The following ATP5MC2 variants were observed in gnomAD, a reference collection of about 807,000 sequenced individuals.
The protein encoded by ATP5MC2 is ATP synthase membrane subunit c locus 2, also known as ATP synthase F(0) complex subunit C2, mitochondrial.
Under a neutral mutation model 13.5 loss-of-function variants are expected in ATP5MC2, and 11 were observed. That is an observed-to-expected ratio of 0.81 (90% CI 0.51 to 1.35). The LOEUF is 1.35. ATP5MC2 is among the 40% of genes most tolerant of loss of function. ATP5MC2 has a pLI of 0.00. For synonymous variants in ATP5MC2, 64 were observed against 69.7 expected, an observed-to-expected ratio of 0.92 and a Z score of 0.41; for missense variants, 132 against 175.0, an observed-to-expected ratio of 0.75 and a Z score of 1.39.
At chr12:53,672,460 GATCT>G in intron 2 of ATP5MC2, 112 bp downstream of exon 2, 1 of 1,120,928 alleles carries the variant, frequency 8.9e-7, no homozygotes, top group East Asian at 2.6e-5. Context: ...GGCCTCAAGT[GATCT>G]GCCCGCCTGG....
upstream of ATP5MC2, chr12:53,676,181 C>T (rs752199118): frequency 3.7e-6 from 6 of 1,613,430 alleles, no homozygotes; most frequent in Non-Finnish European, 5.1e-6. Flanking sequence ...CATACAGGAT[C>T]AGCTCAGGCA....
chr12:53,669,728 C>A, intron 3 of ATP5MC2, 143 bp downstream of exon 3: 1 of 875,098 alleles, frequency 1.1e-6, no homozygotes, highest in Non-Finnish European at 1.8e-6. Context: ...TGTCCTCCAT[C>A]TCCACCTAAA....
chr12:53,680,779 A>C (rs889159136), upstream of ATP5MC2, among the ~76,000 whole-genome samples: 1 of 152,228 alleles, frequency 6.6e-6, no homozygotes, highest in Non-Finnish European at 1.5e-5. Context: ...AGCATCTCCT[A>C]TGTGCTAGGC....
Position 53,672,631 on chromosome 12 carries a change from G to A in ATP5MC2, c.-17C>T. ...GGCGAACATTTTCAGGGGGTGAGGA[G>A]CTGTGGCAGGAGAGCTGGAATTACA... On this transcript the variant is annotated 5_prime_UTR_variant, in exon 2 of 5. Coordinates refer to ENST00000394349, the MANE Select transcript of ATP5MC2 (RefSeq NM_005176.7). 1 of 1,579,156 alleles carries A rather than the reference G, an allele frequency of 6.3e-7. No homozygotes were observed. Among genetic ancestry groups the A allele is most frequent in the East Asian group, 2.3e-5 (1 of 43,988 alleles).
chr12:53,667,130 G>T (rs1350586257), intron 4 of ATP5MC2, among the ~76,000 whole-genome samples: 2 of 152,188 alleles, frequency 1.3e-5, no homozygotes, highest in African/African-American at 2.4e-5. Context: ...GAATAAAGCA[G>T]CAGTCAGACT....
chr12:53,667,417 C>A (rs946611441), intron 4 of ATP5MC2, among the ~76,000 whole-genome samples: 2 of 152,160 alleles, frequency 1.3e-5, no homozygotes, highest in African/African-American at 4.8e-5. Context: ...TAAAGGGCCA[C>A]ATTGTAAATA....
rs1160974558 is a variant in ATP5MC2 at position 53,669,967 on chromosome 12, A to G, written c.40-19T>C. On this transcript the variant is annotated intron_variant, in intron 2 of 4. Transcript: ENST00000394349. ...TCTTGACCTAGCAGGAATGACATACAGGGGCAGGAAGGTCAAGGAAGACTG... is the reference window on the plus strand; with the variant it reads ...TCTTGACCTAGCAGGAATGACATACGGGGGCAGGAAGGTCAAGGAAGACTG... The G allele has an allele frequency of 6.2e-7, 1 of 1,612,366 alleles. No individual in the cohort carries two copies. The highest frequency in any genetic ancestry group is 1.3e-5 in the African/African-American group (1 of 74,904).
chr12:53,674,340 T>C (rs558714660), intron 1 of ATP5MC2, among the ~76,000 whole-genome samples: 8 of 152,354 alleles, frequency 5.3e-5, no homozygotes, highest in African/African-American at 1.7e-4. Flanking sequence ...AAACCCTGTC[T>C]ATAAACAAAC....
chr12:53,669,963 A>T lies in ATP5MC2; in HGVS notation c.40-15T>A. On this transcript the variant is annotated splice_polypyrimidine_tract_variant and intron_variant, in intron 2 of 4. Coordinates refer to ENST00000394349, the MANE Select transcript of ATP5MC2 (RefSeq NM_005176.7). ...GTGCTCTTGACCTAGCAGGAATGAC[A>T]TACAGGGGCAGGAAGGTCAAGGAAG... The T allele has an allele frequency of 6.2e-7, 1 of 1,613,580 alleles. No individual in the cohort carries two copies. Among genetic ancestry groups the T allele is most frequent in the Non-Finnish European group, 8.5e-7 (1 of 1,179,568 alleles).
intron 1 of ATP5MC2, 148 bp from the exon 2 acceptor site, chr12:53,672,793 G>A (rs1945141090): frequency 1.0e-5 from 7 of 680,490 alleles, no homozygotes; most frequent in Non-Finnish European, 1.7e-5. Context: ...AAACCCTGAA[G>A]TCATGACTTC....
chr12:53,674,288 G>A (rs1236699231), intron 1 of ATP5MC2, among the ~76,000 whole-genome samples: 2 of 152,336 alleles, frequency 1.3e-5, no homozygotes, highest in Middle Eastern at 3.4e-3. Flanking sequence ...AGGCTTCAGT[G>A]AGCTATGATC....
chr12:53,667,970 T>TATATACACATACAC (rs1944975816), intron 4 of ATP5MC2, among the ~76,000 whole-genome samples: 2 of 49,638 alleles, frequency 4.0e-5, no homozygotes, highest in Admixed American at 2.1e-4. Flanking sequence ...TATATATATA[T>TATATACACATACAC]ATATATATAT....
intron 2 of ATP5MC2, among the ~76,000 whole-genome samples, chr12:53,671,973 A>T (rs1945106184): frequency 6.6e-6 from 1 of 151,240 alleles, no homozygotes; most frequent in Non-Finnish European, 1.5e-5. Context: ...AGGTGCCTGT[A>T]ACCCCAGCTA....
At chr12:53,672,528 G>C in intron 2 of ATP5MC2, 48 bp downstream of exon 2, 1 of 1,510,638 alleles carries the variant, frequency 6.6e-7, no homozygotes, top group Non-Finnish European at 9.0e-7. Context: ...GAAAGAGAGA[G>C]ACAAGATGTC....
upstream of ATP5MC2, among the ~76,000 whole-genome samples, chr12:53,679,312 T>C (rs1329761812): frequency 6.8e-6 from 1 of 147,680 alleles, no homozygotes; most frequent in Non-Finnish European, 1.5e-5. Context: ...AGAAAAAATA[T>C]TGCTAGAGAG....
At chr12:53,677,362 A>G (rs1304074445), upstream of ATP5MC2, 1 of 152,240 alleles carries the variant, frequency 6.6e-6, no homozygotes, top group Admixed American at 6.5e-5. Context: ...CCCACGGAGC[A>G]ATTTCCCGGG....
chr12:53,670,619 TCTTTC>T (rs1464801521), intron 2 of ATP5MC2, among the ~76,000 whole-genome samples: 1 of 151,590 alleles, frequency 6.6e-6, no homozygotes, highest in East Asian at 1.9e-4. Context: ...TTTCTTTCTT[TCTTTC>T]TTTTTTTTTT....
chr12:53,672,690 A>G, intron 1 of ATP5MC2, 45 bp from the exon 2 acceptor site: 1 of 1,530,028 alleles, frequency 6.5e-7, no homozygotes, highest in South Asian at 1.2e-5. Context: ...TATTCACTAA[A>G]CTATATCCTT....
intron 4 of ATP5MC2, among the ~76,000 whole-genome samples, chr12:53,666,882 A>AT (rs1427562667): frequency 6.7e-6 from 1 of 148,728 alleles, no homozygotes. Context: ...GGAGGCAGAG[A>AT]TTGCAGTGGG....
Sources: allele counts gnomAD v4.1 joint callset (sites outside exome capture counted in the v4.1 genomes callset), GRCh38; gene constraint gnomAD v4.1.1; transcripts MANE v1.5; gene names NCBI Gene and HGNC (gene_info 2026-07-23, HGNC 2026-07-21).